Variants in DOP1A observed in about 807,000 individuals in gnomAD.
DOP1A encodes the protein protein DOP1A.
DOP1A carries 90 observed loss-of-function variants against 267.6 expected under a neutral mutation model. The ratio of observed to expected loss-of-function variants is 0.34; its 90% confidence interval spans 0.28 to 0.40. The LOEUF (loss-of-function observed/expected upper bound fraction) is 0.40, where lower values mean the gene tolerates loss of function less well. Ranked by LOEUF, DOP1A falls within the 10% of genes least tolerant of loss-of-function variation. The pLI, the probability that DOP1A is intolerant of heterozygous loss-of-function variation, is 1.00. For missense variants in DOP1A, 2,437 were observed against 2,900.4 expected (o/e 0.84, Z 3.67); for synonymous variants, 932 against 999.1 (o/e 0.93, Z 1.27).
At chr6:83,164,554 G>T (rs977717597) in intron 38 of DOP1A, 2 of 1,061,226 alleles carry the variant, frequency 1.9e-6, no homozygotes, top group Admixed American at 4.1e-5. Context: ...AAACTATTTT[G>T]ATTGAAAGGC....
chr6:83,123,241 A>G (rs1347317391), intron 12 of DOP1A, among the ~76,000 whole-genome samples: 1 of 70,164 alleles, frequency 1.4e-5, no homozygotes, highest in Non-Finnish European at 2.7e-5. Flanking sequence ...TCTTCAGTCT[A>G]TAGTAATCCA....
Position 83,129,035 on chromosome 6 carries a change from G to C in DOP1A, c.1868G>C (p.Gly623Ala). 6.2e-7 allele frequency: 1 copy of C among 1,613,866 alleles called. No individual in the cohort carries two copies. Among genetic ancestry groups the C allele is most frequent in the South Asian group, 1.1e-5 (1 of 91,062 alleles). ...TDDIDRELSE[G>A]QGAAAIPIGS... is the part of the protein sequence containing the mutation. Reference sequence around the variant, plus strand: ...GATATTGACAGAGAACTGAGTGAGGGCCAGGGGGCAGCTGCCATCCCAATT... The same window carrying C: ...GATATTGACAGAGAACTGAGTGAGGCCCAGGGGGCAGCTGCCATCCCAATT... The change falls in exon 16 of 39, where the codon GGC (glycine) becomes GCC (alanine). Residue 623 changes from glycine to alanine, a missense_variant. Coordinates refer to ENST00000349129, the MANE Select transcript of DOP1A (RefSeq NM_015018.4).
At chr6:83,130,085 G>C (rs763925620) in intron 16 of DOP1A, 38 bp from the exon 17 acceptor site, 1 of 1,595,618 alleles carries the variant, frequency 6.3e-7, no homozygotes, top group Non-Finnish European at 8.5e-7. Context: ...GAAATGTTTA[G>C]TATAATGAAC....
chr6:83,099,680 A>ACGTG lies in DOP1A; in HGVS notation c.139-1025_139-1024insCGTG, dbSNP rs1483912698. Among the ~76,000 whole-genome samples the ACGTG allele has an allele frequency of 2.3e-3, 319 of 138,992 alleles. 1 individual carries two copies. Among genetic ancestry groups the ACGTG allele is most frequent in the African/African-American group, 7.8e-3 (300 of 38,378 alleles). The allele number at this position is 138,992 out of a possible 152,430, so 91.2% of individuals were successfully genotyped here. ...TGATAGAACAAGGCAAGGATTGCATATGTGTGTGTGTGTGTGTGTGTGTGT... is the reference window on the plus strand; with the variant it reads ...TGATAGAACAAGGCAAGGATTGCATACGTGTGTGTGTGTGTGTGTGTGTGTGTGT... On this transcript the variant is annotated intron_variant, in intron 3 of 38. Transcript: ENST00000349129.
Position 83,138,748 on chromosome 6 carries a change from A to C in DOP1A, c.4706A>C (p.Glu1569Ala). 3.1e-6 allele frequency: 5 copies of C among 1,614,056 alleles called. No homozygotes were observed. The highest frequency in any genetic ancestry group is 4.2e-6 in the Non-Finnish European group (5 of 1,179,934). ...FSEDSLINFS[E>A]DEFDNGSTLQ... ...GAGGACAGCCTTATTAATTTCTCAG[A>C]GGATGAATTTGACAATGGCAGCACG... The change falls in exon 21 of 39, where the codon GAG becomes GCG. Residue 1569 changes from glutamate to alanine, a missense_variant. Around this residue, in one of 9 missense-constraint regions of DOP1A, gnomAD observed 878 missense variants for 992.9 expected, o/e 0.88. Coordinates refer to ENST00000349129, the MANE Select transcript of DOP1A (RefSeq NM_015018.4).
In DOP1A at chr6:83,167,823, C is replaced by G. The variant is rs759979831; in HGVS notation, c.7093-39C>G. ...TAATTTTTCTAACATACCACATTGT[C>G]TGTTGTATTAATACCAGTTCACTTT... On this transcript the variant is annotated intron_variant, in intron 38 of 38. Coordinates refer to ENST00000349129, the MANE Select transcript of DOP1A (RefSeq NM_015018.4). 1.9e-6 allele frequency: 3 copies of G among 1,551,370 alleles called. No homozygotes were observed. The Admixed American group carries it at 6.2e-5, about 32-fold the overall frequency.
In DOP1A at chr6:83,153,828, A is replaced by T; in HGVS notation, c.6240-66A>T. 3 of 1,496,134 alleles carry T rather than the reference A, an allele frequency of 2.0e-6. No homozygotes were observed. The South Asian group carries it at 3.9e-5, about 20-fold the overall frequency. 92.7% of individuals were successfully genotyped at this position (1,496,134 alleles called of 1,614,324 possible). On this transcript the variant is annotated intron_variant, in intron 31 of 38. Transcript: ENST00000349129. Reference sequence around the variant, plus strand: ...CTGTCTTAGGTAAATGTGAACATTTATGTATAACTTGATAGGATGATTAAA... The same window carrying T: ...CTGTCTTAGGTAAATGTGAACATTTTTGTATAACTTGATAGGATGATTAAA...
intron 1 of DOP1A, among the ~76,000 whole-genome samples, chr6:83,075,082 T>C (rs1766844530): frequency 6.6e-6 from 1 of 152,222 alleles, no homozygotes. Context: ...CAAATTAATA[T>C]ATATTTTCCC....
chr6:83,096,584 A>AT, intron 1 of DOP1A, 147 bp from the exon 2 acceptor site: 1 of 391,896 alleles, frequency 2.6e-6, no homozygotes, highest in Non-Finnish European at 4.5e-6. Flanking sequence ...TTAGGATCAA[A>AT]ACAAAGTAGA....
In DOP1A at chr6:83,145,211, T is replaced by TATA. The variant is rs1780410257; in HGVS notation, c.5542-312_5542-310dup. On this transcript the variant is annotated intron_variant, in intron 24 of 38. Transcript: ENST00000349129. ...TATATAATATATATATATAATAATA[T>TATA]ATATATATATAATATATATATATAT... 2.2e-4 allele frequency among the ~76,000 whole-genome samples: 4 copies of TATA among 18,192 alleles called. 1 individual carries two copies. The highest frequency in any genetic ancestry group is 1.3e-3 in the African/African-American group (4 of 2,998). The allele number at this position is 18,192 out of a possible 152,430, so 11.9% of individuals were successfully genotyped here. A position where few individuals can be genotyped will look rare whatever the true frequency, so the allele number is the denominator to read the frequency against.
intron 11 of DOP1A, 35 bp from the exon 12 acceptor site, chr6:83,122,828 T>A: frequency 7.2e-7 from 1 of 1,387,484 alleles, no homozygotes; most frequent in South Asian, 1.5e-5. Context: ...AATGTTAATA[T>A]TTTTTAGTTT....
chr6:83,113,665 G>T (rs1774938142), intron 7 of DOP1A, among the ~76,000 whole-genome samples: 1 of 152,124 alleles, frequency 6.6e-6, no homozygotes, highest in South Asian at 2.1e-4. Context: ...GAAAAAAGTT[G>T]TAACATATAA....
intron 17 of DOP1A, among the ~76,000 whole-genome samples, chr6:83,131,888 C>T (rs867983075): frequency 3.9e-5 from 6 of 152,126 alleles, no homozygotes; most frequent in Non-Finnish European, 5.9e-5. Flanking sequence ...CTGCCTGCCT[C>T]GGCCTCCCAA....
At chr6:83,094,949 T>C (rs1291977542) in intron 1 of DOP1A, among the ~76,000 whole-genome samples, 1 of 152,204 alleles carries the variant, frequency 6.6e-6, no homozygotes, top group East Asian at 1.9e-4. Flanking sequence ...GTTTATTTTT[T>C]TGAGATGGAA....
Position 83,137,203 on chromosome 6 carries a change from G to C in DOP1A, c.3161G>C (p.Gly1054Ala). The change falls in exon 21 of 39, where the codon GGA (glycine) becomes GCA (alanine). Residue 1054 changes from glycine to alanine, a missense_variant. By Grantham distance (60) the Gly-to-Ala change is moderately conservative. Around this residue, in one of 9 missense-constraint regions of DOP1A, gnomAD observed 878 missense variants for 992.9 expected, o/e 0.88. Coordinates refer to ENST00000349129, the MANE Select transcript of DOP1A (RefSeq NM_015018.4). ...VSQVQLITSK[G>A]NGEKPLTMDE... ...CAAGTACAACTCATCACATCAAAAG[G>C]AAATGGTGAAAAGCCACTTACCATG... The C allele has an allele frequency of 6.3e-7, 1 of 1,576,526 alleles. No individual in the cohort carries two copies. Among genetic ancestry groups the C allele is most frequent in the Non-Finnish European group, 8.6e-7 (1 of 1,160,640 alleles).
intron 4 of DOP1A, 108 bp from the exon 5 acceptor site, chr6:83,108,802 C>T (rs1774075388): frequency 9.5e-7 from 1 of 1,057,912 alleles, no homozygotes; most frequent in Non-Finnish European, 1.3e-6. Flanking sequence ...TTAAGCCAAT[C>T]AGTATAACTT....
chr6:83,099,009 G>C, intron 3 of DOP1A, among the ~76,000 whole-genome samples: 1 of 152,122 alleles, frequency 6.6e-6, no homozygotes, highest in East Asian at 1.9e-4. Flanking sequence ...GTTACGGCCA[G>C]CTCCGAGACA....
At chr6:83,131,219 G>A (rs1157951245) in intron 17 of DOP1A, among the ~76,000 whole-genome samples, 3 of 151,802 alleles carry the variant, frequency 2.0e-5, no homozygotes, top group Admixed American at 2.0e-4. Flanking sequence ...AGTAGATTTG[G>A]ATTGTATACA....
At chr6:83,116,503 A>G (rs887916549) in intron 7 of DOP1A, among the ~76,000 whole-genome samples, 1 of 152,120 alleles carries the variant, frequency 6.6e-6, no homozygotes, top group African/African-American at 2.4e-5. Context: ...CTTTCAACCA[A>G]TTCAAATCAA....
Sources: gnomAD v4.1 joint callset for allele counts (sites outside exome capture counted in the v4.1 genomes callset) on GRCh38, gnomAD v4.1.1 for gene constraint, gnomAD v4.1.1 regional missense constraint, MANE v1.5 for transcripts, NCBI Gene and HGNC (gene_info 2026-07-23, HGNC 2026-07-21) for gene names.